Variants in EFCAB6 observed in about 807,000 individuals in gnomAD.
EFCAB6 encodes EF-hand calcium-binding domain-containing protein 6.
A neutral mutation model predicts 169.8 loss-of-function variants in EFCAB6; 156 were observed. The observed-to-expected ratio is 0.92, with a 90% CI of 0.81 to 1.05. EFCAB6 has a LOEUF of 1.05. EFCAB6 is among the 50% of genes least tolerant of loss of function. EFCAB6 has a pLI of 0.00. For missense variants in EFCAB6, 1,800 were observed against 1,829.1 expected (o/e 0.98, Z 0.29); for synonymous variants, 698 against 676.4 (o/e 1.03, Z -0.50).
chr22:43,735,892 G>A lies in EFCAB6; in HGVS notation c.609C>T (p.Thr203=). ...CCTCGTCTCTTAACTTCATACAGAAGGTCTCCAGAACCCTTCTTAGCTCCT... is the reference window on the plus strand; with the variant it reads ...CCTCGTCTCTTAACTTCATACAGAAAGTCTCCAGAACCCTTCTTAGCTCCT... ...RPQELRRVLE[T]FCMKLRDEEY... The change falls in exon 7 of 32, where the codon ACC becomes ACT. Residue 203 remains threonine (T), a synonymous_variant. Transcript: ENST00000262726. 6 of 1,613,964 alleles carry A rather than the reference G, an allele frequency of 3.7e-6. No homozygotes were observed. In the South Asian group the frequency reaches 5.5e-5, roughly 15 times the overall value.
intron 10 of EFCAB6, among the ~76,000 whole-genome samples, chr22:43,692,053 A>C (rs565411632): frequency 6.6e-6 from 1 of 152,198 alleles, no homozygotes; most frequent in South Asian, 2.1e-4. Context: ...AGAGAGAAAG[A>C]AGAAATCCTG....
intron 11 of EFCAB6, among the ~76,000 whole-genome samples, chr22:43,684,686 C>T (rs1250494073): frequency 8.3e-4 from 126 of 152,192 alleles, no homozygotes; most frequent in Non-Finnish European, 5.9e-5. Context: ...CTACGCCTAC[C>T]ACCACTTTTC....
intron 13 of EFCAB6, among the ~76,000 whole-genome samples, chr22:43,674,616 G>C (rs1209336639): frequency 1.3e-5 from 2 of 152,194 alleles, no homozygotes; most frequent in Non-Finnish European, 2.9e-5. Context: ...GGCATGATCT[G>C]TTTTATACTA....
chr22:43,685,334 GC>G (rs2058152220), intron 11 of EFCAB6, among the ~76,000 whole-genome samples: 1 of 152,044 alleles, frequency 6.6e-6, no homozygotes, highest in African/African-American at 2.4e-5. Context: ...GTCTGTGGGG[GC>G]AGGAAGGGTG....
At chr22:43,547,663 G>A (rs2048137279) in intron 27 of EFCAB6, among the ~76,000 whole-genome samples, 1 of 152,012 alleles carries the variant, frequency 6.6e-6, no homozygotes, top group African/African-American at 2.4e-5. Flanking sequence ...TACTTGGGAA[G>A]CTGAGGTGGG....
intron 6 of EFCAB6, among the ~76,000 whole-genome samples, chr22:43,737,843 ATAT>A (rs2060211379): frequency 6.6e-6 from 1 of 151,302 alleles, no homozygotes; most frequent in African/African-American, 2.4e-5. Flanking sequence ...TCACACACAT[ATAT>A]TCTCACACAT....
chr22:43,529,611 G>C (rs115605106), intron 31 of EFCAB6, among the ~76,000 whole-genome samples: 3,206 of 152,268 alleles, frequency 0.021, 117 homozygotes, highest in African/African-American at 0.074. Context: ...CTTTAAAGGA[G>C]AGGGGCATGC....
At chr22:43,616,043 T>A (rs2147719792) in intron 20 of EFCAB6, 121 bp from the exon 21 acceptor site, 1 of 711,584 alleles carries the variant, frequency 1.4e-6, no homozygotes, top group Non-Finnish European at 2.2e-6. Context: ...GTTATTTCAC[T>A]TCTGGTTTAA....
At chr22:43,620,366 C>A (rs774005545) in intron 20 of EFCAB6, among the ~76,000 whole-genome samples, 17 of 151,810 alleles carry the variant, frequency 1.1e-4, no homozygotes, top group Non-Finnish European at 4.4e-5. Context: ...GGAAAAAAGG[C>A]ATATTAAATA....
intron 10 of EFCAB6, among the ~76,000 whole-genome samples, chr22:43,702,881 A>G (rs2058817924): frequency 6.6e-6 from 1 of 152,204 alleles, no homozygotes; most frequent in Admixed American, 6.5e-5. Context: ...ACATTATCCA[A>G]GCAGGAAAAT....
intron 8 of EFCAB6, among the ~76,000 whole-genome samples, chr22:43,728,891 G>A (rs1284181826): frequency 1.3e-5 from 2 of 152,170 alleles, no homozygotes; most frequent in Non-Finnish European, 2.9e-5. Flanking sequence ...TTGTTTTGCT[G>A]CACAGAAGCT....
chr22:43,626,984 C>A (rs1330761554), intron 19 of EFCAB6, among the ~76,000 whole-genome samples: 3 of 152,160 alleles, frequency 2.0e-5, no homozygotes, highest in Non-Finnish European at 4.4e-5. Context: ...GGAGCTTGTA[C>A]TTCTAGTCCA....
rs370697039 is a variant in EFCAB6 at position 43,554,860 on chromosome 22, G to T, written c.3648+9C>A. 4 of 1,613,694 alleles carry T rather than the reference G, an allele frequency of 2.5e-6. No homozygotes were observed. Among genetic ancestry groups the T allele is most frequent in the Non-Finnish European group, 3.4e-6 (4 of 1,179,596 alleles). On this transcript the variant is annotated intron_variant, in intron 27 of 31. Coordinates refer to ENST00000262726, the MANE Select transcript of EFCAB6 (RefSeq NM_022785.4). ...GTGTGCAGGGTGAGGACTGACTGGC[G>T]TTTCTTACCTGTTCGTCCGTCAGGA...
intron 19 of EFCAB6, among the ~76,000 whole-genome samples, chr22:43,629,825 C>T (rs546328012): frequency 4.3e-4 from 65 of 152,046 alleles, no homozygotes; most frequent in Non-Finnish European, 7.1e-4. Context: ...GCCGGCCAGG[C>T]GGGAGCAGGA....
At chr22:43,582,498 A>G (rs550562644) in intron 24 of EFCAB6, among the ~76,000 whole-genome samples, 3 of 152,310 alleles carry the variant, frequency 2.0e-5, no homozygotes, top group South Asian at 4.1e-4. Context: ...GAAGAATTTA[A>G]AAAGTTTCAG....
intron 10 of EFCAB6, among the ~76,000 whole-genome samples, chr22:43,704,920 G>A (rs1243678787): frequency 2.0e-5 from 3 of 152,070 alleles, no homozygotes; most frequent in African/African-American, 7.2e-5. Context: ...TACTATGGAT[G>A]TAAATGGATT....
intron 23 of EFCAB6, among the ~76,000 whole-genome samples, chr22:43,595,988 G>A (rs2051970608): frequency 6.6e-6 from 1 of 151,958 alleles, no homozygotes. Flanking sequence ...CAGAATAAAG[G>A]ACAAAATTAC....
At chr22:43,782,771 G>A (rs2061872219) in intron 2 of EFCAB6, among the ~76,000 whole-genome samples, 1 of 152,166 alleles carries the variant, frequency 6.6e-6, no homozygotes. Flanking sequence ...AATCAATGAG[G>A]ACACTGGGAA....
At chr22:43,751,257 A>G (rs2147826692) in intron 6 of EFCAB6, among the ~76,000 whole-genome samples, 1 of 152,336 alleles carries the variant, frequency 6.6e-6, no homozygotes, top group East Asian at 1.9e-4. Flanking sequence ...TATACAGGTC[A>G]GAATAGCTTT....
Sources: allele counts gnomAD v4.1 joint callset (sites outside exome capture counted in the v4.1 genomes callset), GRCh38; gene constraint gnomAD v4.1.1; transcripts MANE v1.5; gene names NCBI Gene and HGNC (gene_info 2026-07-23, HGNC 2026-07-21).